The following SLC36A1 variants were observed in gnomAD, a reference collection of about 807,000 sequenced individuals.
SLC36A1 encodes proton-coupled amino acid transporter 1.
Under a neutral mutation model 47.5 loss-of-function variants are expected in SLC36A1, and 30 were observed. The ratio of observed to expected loss-of-function variants is 0.63; its 90% CI spans 0.47 to 0.86. SLC36A1 has a LOEUF of 0.86. Ranked by LOEUF, SLC36A1 falls within the 40% of genes least tolerant of loss-of-function variation. SLC36A1 has a pLI of 0.00. For synonymous variants in SLC36A1, 255 were observed against 249.7 expected (o/e 1.02, Z -0.20); for missense variants, 517 against 606.0 (o/e 0.85, Z 1.54).
At position 151,463,594 on chromosome 5, in the gene SLC36A1, G is replaced by T; in HGVS notation, c.185G>T (p.Gly62Val). 6.2e-7 allele frequency: 1 copy of T among 1,614,158 alleles called. No homozygotes were observed. The highest frequency in any genetic ancestry group is 8.5e-7 in the Non-Finnish European group (1 of 1,180,016). ...TLIHLLKGNI[G>V]TGLLGLPLAV... ...ATCCACCTGTTAAAAGGCAACATTGGCACAGGACTCCTGGGACTCCCTCTG... is the reference window on the plus strand; with the variant it reads ...ATCCACCTGTTAAAAGGCAACATTGTCACAGGACTCCTGGGACTCCCTCTG... The change falls in exon 3 of 11, where the codon GGC (glycine) becomes GTC (valine). Residue 62 changes from glycine (G) to valine (V), a missense_variant. Transcript: ENST00000243389.
At chr5:151,531,275 C>T in the SLC36A1 span, among the ~76,000 whole-genome samples, 1 of 152,186 alleles carries the variant, frequency 6.6e-6, no homozygotes, top group South Asian at 2.1e-4. The surrounding 1 kb of genome is among the most constrained non-coding windows in gnomAD (Gnocchi z 5.7). Flanking sequence ...CTGCCTCCTG[C>T]GCTGGGCCTG....
intron 7 of SLC36A1, among the ~76,000 whole-genome samples, chr5:151,468,526 G>A (rs1355069572): frequency 6.7e-6 from 1 of 150,160 alleles, no homozygotes; most frequent in African/African-American, 2.5e-5. Flanking sequence ...CTGTTCTTGG[G>A]CCCTGTTGAC....
chr5:151,405,779 T>G, the SLC36A1 span, among the ~76,000 whole-genome samples: 1 of 152,202 alleles, frequency 6.6e-6, no homozygotes, highest in African/African-American at 2.4e-5. Context: ...TTGACTGTAG[T>G]ATACATTGTG....
At chr5:151,389,619 T>C in the SLC36A1 span, among the ~76,000 whole-genome samples, 1 of 144,820 alleles carries the variant, frequency 6.9e-6, no homozygotes, top group South Asian at 2.2e-4. Flanking sequence ...CCAAGTGTTC[T>C]TATTGTTCAA....
At chr5:151,360,439 A>G in the SLC36A1 span, among the ~76,000 whole-genome samples, 1 of 152,240 alleles carries the variant, frequency 6.6e-6, no homozygotes, top group South Asian at 2.1e-4. Flanking sequence ...TTGGGTCATC[A>G]TGTAATTTTC....
the SLC36A1 span, among the ~76,000 whole-genome samples, chr5:151,346,715 TTA>T: frequency 2.6e-5 from 4 of 152,100 alleles, no homozygotes; most frequent in Non-Finnish European, 4.4e-5. Context: ...CCCTCTTTTT[TTA>T]TGTTTTGGAA....
chr5:151,555,827 G>C, the SLC36A1 span, among the ~76,000 whole-genome samples: 16 of 152,288 alleles, frequency 1.1e-4, no homozygotes, highest in African/African-American at 3.9e-4. Flanking sequence ...AGGGGAAATA[G>C]TTAGATTTCC....
chr5:151,383,819 C>T, the SLC36A1 span, among the ~76,000 whole-genome samples: 5 of 151,974 alleles, frequency 3.3e-5, no homozygotes, highest in Non-Finnish European at 7.4e-5. Context: ...GTGATCTGCC[C>T]GCCTCGGCCT....
intron 1 of SLC36A1, among the ~76,000 whole-genome samples, chr5:151,458,304 G>GTGTGTGTATATATATATATA (rs1175105944): frequency 2.4e-4 from 18 of 76,594 alleles, no homozygotes; most frequent in African/African-American, 1.2e-3. Flanking sequence ...ACATACACGT[G>GTGTGTGTATATATATATATA]TATATACGTA....
At chr5:151,345,911 C>T in the SLC36A1 span, among the ~76,000 whole-genome samples, 18,692 of 152,148 alleles carry the variant, frequency 0.12, 3,789 homozygotes, top group African/African-American at 0.42. Context: ...TCAAATCTCC[C>T]AGGAGGAGAG....
chr5:151,364,994 T>A, the SLC36A1 span, among the ~76,000 whole-genome samples: 1 of 152,118 alleles, frequency 6.6e-6, no homozygotes, highest in South Asian at 2.1e-4. Flanking sequence ...TATATGGCCA[T>A]CTCAGAACAA....
the SLC36A1 span, chr5:151,554,442 C>T: frequency 5.6e-6 from 9 of 1,614,214 alleles, no homozygotes; most frequent in Non-Finnish European, 6.8e-6. Flanking sequence ...CTGAAGGCCT[C>T]CTCATCGCTG....
intron 1 of SLC36A1, among the ~76,000 whole-genome samples, chr5:151,448,914 T>C (rs1444641611): frequency 6.6e-6 from 1 of 152,138 alleles, no homozygotes; most frequent in Non-Finnish European, 1.5e-5. Context: ...GGCTTGTTTT[T>C]TTGTTTGTTT....
the SLC36A1 span, among the ~76,000 whole-genome samples, chr5:151,379,988 TAACTC>T: frequency 0.2 from 29,908 of 151,478 alleles, 3,204 homozygotes; most frequent in East Asian, 0.41. Flanking sequence ...AAAAAAAAAT[TAACTC>T]AAAGCAAGGT....
At chr5:151,393,759 T>A in the SLC36A1 span, among the ~76,000 whole-genome samples, 1 of 152,200 alleles carries the variant, frequency 6.6e-6, no homozygotes, top group Non-Finnish European at 1.5e-5. Context: ...GTAGAGTTTC[T>A]GCCAAGAGAT....
At chr5:151,513,260 T>C in the SLC36A1 span, among the ~76,000 whole-genome samples, 1 of 152,208 alleles carries the variant, frequency 6.6e-6, no homozygotes, top group Admixed American at 6.5e-5. Flanking sequence ...GGAAAGTAAT[T>C]ATTTTTCATA....
At chr5:151,505,484 A>AACTC in the SLC36A1 span, 2 of 1,552,326 alleles carry the variant, frequency 1.3e-6, no homozygotes, top group Non-Finnish European at 1.8e-6. Flanking sequence ...AGCCACACTC[A>AACTC]ACTCACCCCC....
At position 151,476,613 on chromosome 5, in the gene SLC36A1, G is replaced by C; in HGVS notation, c.846G>C (p.Met282Ile). Residue 282 changes from methionine (M) to isoleucine (I), a missense_variant, in exon 9 of 11, where the codon ATG becomes ATC. Met to Ile is a conservative substitution (Grantham distance 10). Coordinates refer to ENST00000243389, the MANE Select transcript of SLC36A1 (RefSeq NM_078483.4). ...IGMVLPLENKMKDPRKFPLIL... is the reference protein window; with the variant it reads ...IGMVLPLENKIKDPRKFPLIL... Reference sequence around the variant, plus strand: ...AGGTTCTGCCCCTGGAAAACAAAATGAAGGATCCTCGGAAGTTCCCACTCA... The same window carrying C: ...AGGTTCTGCCCCTGGAAAACAAAATCAAGGATCCTCGGAAGTTCCCACTCA... 1 of 1,595,996 alleles carries C rather than the reference G, an allele frequency of 6.3e-7. No individual in the cohort carries two copies. The highest frequency in any genetic ancestry group is 2.2e-5 in the East Asian group (1 of 44,750).
chr5:151,522,957 A>G, the SLC36A1 span, among the ~76,000 whole-genome samples: 1 of 152,176 alleles, frequency 6.6e-6, no homozygotes, highest in Admixed American at 6.5e-5. Flanking sequence ...TGTAAATCAT[A>G]AACGCATTTT....
Sources: allele counts gnomAD v4.1 joint callset (sites outside exome capture counted in the v4.1 genomes callset), GRCh38; gene constraint gnomAD v4.1.1; non-coding constraint Gnocchi (gnomAD v3.1); transcripts MANE v1.5; gene names NCBI Gene and HGNC (gene_info 2026-07-23, HGNC 2026-07-21).